Variants in ABHD18 observed in about 807,000 individuals in gnomAD.
ABHD18 encodes the protein abhydrolase domain containing 18, also known as cardiolipin-specific deacylase, mitochondrial.
A neutral mutation model predicts 65.9 loss-of-function variants in ABHD18; 55 were observed. The observed-to-expected ratio is 0.84, with a 90% CI of 0.67 to 1.05. ABHD18 has a LOEUF of 1.05. ABHD18 is among the 50% of genes least tolerant of loss of function. The pLI is 0.00. For synonymous variants in ABHD18, 181 were observed against 180.2 expected, an observed-to-expected ratio of 1.00 and a Z score of -0.04; for missense variants, 533 against 558.5, an observed-to-expected ratio of 0.95 and a Z score of 0.46.
At chr4:128,016,882 G>C (rs1755603069) in intron 7 of ABHD18, among the ~76,000 whole-genome samples, 2 of 152,050 alleles carry the variant, frequency 1.3e-5, no homozygotes, top group Non-Finnish European at 2.9e-5. Flanking sequence ...TAGGTGATTT[G>C]ATATGTAATC....
rs903235906 is a variant in ABHD18 at position 127,980,045 on chromosome 4, T to A, written c.-17-2894T>A. Among the ~76,000 whole-genome samples the A allele has an allele frequency of 1.4e-4, 22 of 152,322 alleles. No individual in the cohort carries two copies. In the East Asian group the frequency reaches 3.1e-3, roughly 21 times the overall value. ...GTGTTACATTACTTTAGTAATTTTT[T>A]AAAAAGTATGTGCAGTGGCTTAAAT... On this transcript the variant is annotated intron_variant, in intron 1 of 12. Transcript: ENST00000645843.
intron 4 of ABHD18, among the ~76,000 whole-genome samples, chr4:128,004,392 C>T (rs1488973444): frequency 6.6e-6 from 1 of 151,504 alleles, no homozygotes; most frequent in Non-Finnish European, 1.5e-5. Context: ...GCAGAGGTTG[C>T]AGTGAGCCAA....
chr4:127,996,214 G>A lies in ABHD18; in HGVS notation c.278+6393G>A, dbSNP rs113195636. Among the ~76,000 whole-genome samples, 695 of 152,298 alleles carry A rather than the reference G, an allele frequency of 4.6e-3. 10 individuals carry two copies. The highest frequency in any genetic ancestry group is 0.016 in the African/African-American group (663 of 41,558). On this transcript the variant is annotated intron_variant, in intron 4 of 12. Coordinates refer to ENST00000645843, the MANE Select transcript of ABHD18 (RefSeq NM_001358451.3). ...AGCAGAGCCAAAATTTAACTGTTCA[G>A]ATACATAGTATTCACTCACCTTTTC...
chr4:127,968,407 GTCT>G (rs943559593), intron 1 of ABHD18, among the ~76,000 whole-genome samples: 7 of 152,160 alleles, frequency 4.6e-5, no homozygotes, highest in African/African-American at 1.7e-4. Context: ...AAAATTTAAA[GTCT>G]TCTTTTTTAG....
At chr4:127,974,051 G>C (rs935711020) in intron 1 of ABHD18, among the ~76,000 whole-genome samples, 2 of 151,868 alleles carry the variant, frequency 1.3e-5, no homozygotes, top group Admixed American at 6.6e-5. Flanking sequence ...GAAAAGGGAA[G>C]AAGATGGAGG....
intron 7 of ABHD18, among the ~76,000 whole-genome samples, chr4:128,014,775 C>G (rs1755190215): frequency 6.7e-6 from 1 of 149,028 alleles, no homozygotes; most frequent in African/African-American, 2.5e-5. Flanking sequence ...AAAATATACC[C>G]CCCGCCCCTA....
chr4:127,994,641 T>G lies in ABHD18; in HGVS notation c.278+4820T>G, dbSNP rs571824833. 4.6e-5 allele frequency among the ~76,000 whole-genome samples: 7 copies of G among 152,254 alleles called. No homozygotes were observed. In the South Asian group the frequency reaches 1.2e-3, roughly 27 times the overall value. ...TCCATTTGAGCAACCTTAAATAATT[T>G]TATGGTAACATGGCATAGTTTAGTA... On this transcript the variant is annotated intron_variant, in intron 4 of 12. Coordinates refer to ENST00000645843, the MANE Select transcript of ABHD18 (RefSeq NM_001358451.3).
intron 7 of ABHD18, among the ~76,000 whole-genome samples, chr4:128,014,210 C>T (rs1477185061): frequency 6.6e-6 from 1 of 151,666 alleles, no homozygotes; most frequent in Non-Finnish European, 1.5e-5. Flanking sequence ...CTCGAACTCC[C>T]GACCTCAGGT....
chr4:128,011,549 TTAAGA>T (rs1245408268), intron 6 of ABHD18, 119 bp from the exon 7 acceptor site: 5 of 567,836 alleles, frequency 8.8e-6, no homozygotes, highest in Admixed American at 3.7e-5. Context: ...AACAGCCTAC[TTAAGA>T]TAATTAGAAT....
intron 4 of ABHD18, among the ~76,000 whole-genome samples, chr4:128,001,049 G>A (rs182852269): frequency 9.2e-5 from 14 of 152,230 alleles, no homozygotes; most frequent in Admixed American, 9.2e-4. Flanking sequence ...AGAGTCTGTG[G>A]GGTTTTTGAG....
At chr4:127,975,812 T>G (rs1747805152) in intron 1 of ABHD18, among the ~76,000 whole-genome samples, 1 of 152,082 alleles carries the variant, frequency 6.6e-6, no homozygotes, top group African/African-American at 2.4e-5. Context: ...ACTTATTTAT[T>G]TTACTTTATT....
At chr4:127,981,173 G>A (rs774087979) in intron 1 of ABHD18, among the ~76,000 whole-genome samples, 13 of 152,110 alleles carry the variant, frequency 8.5e-5, no homozygotes, top group African/African-American at 1.7e-4. Context: ...TTTGACTTAC[G>A]ATTGTTTCAA....
rs1160436152 is a variant in ABHD18, at chr4:127,995,640, C to T, written c.278+5819C>T. Among the ~76,000 whole-genome samples the T allele has an allele frequency of 3.3e-5, 5 of 152,008 alleles. 1 individual carries two copies. ...TGCTACTTTATTTTGATGGTTTTAA[C>T]AGCAGTAAATTAAATATATTTATGT... On this transcript the variant is annotated intron_variant, in intron 4 of 12. Coordinates refer to ENST00000645843, the MANE Select transcript of ABHD18 (RefSeq NM_001358451.3).
At chr4:127,994,141 T>C (rs998720681) in intron 4 of ABHD18, among the ~76,000 whole-genome samples, 1 of 152,214 alleles carries the variant, frequency 6.6e-6, no homozygotes, top group Non-Finnish European at 1.5e-5. Context: ...AGAACAGTTT[T>C]AAGACTGCTT....
chr4:128,017,358 G>T lies in ABHD18; in HGVS notation c.471-5G>T, dbSNP rs1199693074. The T allele has an allele frequency of 6.2e-7, 1 of 1,610,528 alleles. No homozygotes were observed. Among genetic ancestry groups the T allele is most frequent in the Non-Finnish European group, 8.5e-7 (1 of 1,179,050 alleles). The stretch of plus-strand genomic sequence containing the variant: ...ATCATTTTCTATTTTGTTTTGTGAG[G>T]CTAGAAGGTCCAGCTTAAAAAATGT... On this transcript the variant is annotated splice_polypyrimidine_tract_variant and splice_region_variant and intron_variant, in intron 7 of 12. Transcript: ENST00000645843.
At chr4:128,019,781 G>A (rs1756160980) in intron 8 of ABHD18, among the ~76,000 whole-genome samples, 1 of 152,150 alleles carries the variant, frequency 6.6e-6, no homozygotes, top group African/African-American at 2.4e-5. Flanking sequence ...TTACCCTGCT[G>A]CCCAGCATCT....
intron 8 of ABHD18, among the ~76,000 whole-genome samples, 162 bp downstream of exon 8, chr4:128,017,663 G>A (rs191000696): frequency 2.0e-5 from 3 of 152,270 alleles, no homozygotes; most frequent in African/African-American, 7.2e-5. Context: ...AAGTAATGAT[G>A]TTAATTTTTT....
chr4:127,986,287 T>A (rs1749942471), intron 3 of ABHD18, among the ~76,000 whole-genome samples: 1 of 152,244 alleles, frequency 6.6e-6, no homozygotes, highest in Non-Finnish European at 1.5e-5. Flanking sequence ...ACTTTTTTTG[T>A]CTGGCTTCTT....
intron 12 of ABHD18, among the ~76,000 whole-genome samples, chr4:128,032,900 A>G (rs1367887183): frequency 6.6e-6 from 1 of 152,184 alleles, no homozygotes; most frequent in Non-Finnish European, 1.5e-5. Flanking sequence ...CAGGAAGTAA[A>G]CAAATTCAGA....
Sources: gnomAD v4.1 joint callset for allele counts (sites outside exome capture counted in the v4.1 genomes callset) on GRCh38, gnomAD v4.1.1 for gene constraint, MANE v1.5 for transcripts, NCBI Gene and HGNC (gene_info 2026-07-23, HGNC 2026-07-21) for gene names.